The following RGSL1 variants were observed in gnomAD, a reference collection of about 807,000 sequenced individuals.
RGSL1 encodes the protein regulator of G protein signaling like 1, also known as regulator of G protein signaling protein-like.
Under a neutral mutation model 124.7 loss-of-function variants are expected in RGSL1, and 97 were observed. That is an observed-to-expected ratio of 0.78 (90% CI 0.66 to 0.92). RGSL1 has a LOEUF of 0.92. Among genes scored for constraint, RGSL1 ranks in the 40% least tolerant of loss-of-function variants. The pLI is 0.00. For synonymous variants in RGSL1, 424 were observed against 438.1 expected (o/e 0.97, Z 0.40); for missense variants, 1,233 against 1,288.4 (o/e 0.96, Z 0.66).
At chr1:182,538,451 C>T (rs1322607255) in intron 14 of RGSL1, among the ~76,000 whole-genome samples, 1 of 152,062 alleles carries the variant, frequency 6.6e-6, no homozygotes, top group African/African-American at 2.4e-5. Context: ...TTGCTTGAAC[C>T]CAGGAAGCGG....
intron 15 of RGSL1, among the ~76,000 whole-genome samples, chr1:182,547,522 G>A (rs1660287675): frequency 6.6e-6 from 1 of 152,100 alleles, no homozygotes; most frequent in South Asian, 2.1e-4. Context: ...AACCAGCGTA[G>A]CCTATTAAAA....
chr1:182,512,342 T>A (rs1185958794), intron 9 of RGSL1, among the ~76,000 whole-genome samples: 1 of 152,204 alleles, frequency 6.6e-6, no homozygotes, highest in Non-Finnish European at 1.5e-5. Flanking sequence ...GCCTCTTTAT[T>A]TCTGCTTGTA....
intron 15 of RGSL1, among the ~76,000 whole-genome samples, chr1:182,543,354 T>C (rs943225981): frequency 1.3e-5 from 2 of 152,214 alleles, no homozygotes; most frequent in African/African-American, 2.4e-5. Context: ...ATCATGTTTA[T>C]TGATTTGCGT....
In RGSL1 at chr1:182,458,359, A is replaced by G. The variant is rs750160677; in HGVS notation, c.137A>G (p.Gln46Arg). The change falls in exon 3 of 22, where the codon CAG (glutamine) becomes CGG (arginine). Residue 46 changes from glutamine (Q) to arginine (R), a missense_variant. By Grantham distance (43) the Gln-to-Arg change is conservative. Transcript: ENST00000294854. Reference protein sequence around the residue: ...QTPFYTVENSQWSLWPEIPCN... With the variant: ...QTPFYTVENSRWSLWPEIPCN... ...CCATTTTATACTGTTGAAAATTCAC[A>G]GTGGAGCTTGTGGCCAGAAATACCT... The G allele has an allele frequency of 2.1e-5, 32 of 1,552,172 alleles. 2 individuals carry two copies. The highest frequency in any genetic ancestry group is 2.2e-5 in the Non-Finnish European group (25 of 1,147,092).
intron 11 of RGSL1, 90 bp downstream of exon 11, chr1:182,527,862 A>G: frequency 9.0e-7 from 1 of 1,115,922 alleles, no homozygotes; most frequent in Admixed American, 2.5e-5. Context: ...GTGAGCCCCC[A>G]GAGAGAGCAG....
At chr1:182,489,245 C>A (rs2102095500) in intron 8 of RGSL1, 43 bp downstream of exon 8, 1 of 1,417,616 alleles carries the variant, frequency 7.1e-7, no homozygotes, top group East Asian at 2.5e-5. Flanking sequence ...TACATATGGG[C>A]AACTGGAAAA....
At chr1:182,520,651 G>C (rs1658267029) in intron 9 of RGSL1, among the ~76,000 whole-genome samples, 2 of 151,934 alleles carry the variant, frequency 1.3e-5, no homozygotes, top group Non-Finnish European at 2.9e-5. Flanking sequence ...TTTTTATGCA[G>C]TATTTCTAGG....
At chr1:182,492,235 C>T (rs977852413) in intron 8 of RGSL1, among the ~76,000 whole-genome samples, 5 of 152,126 alleles carry the variant, frequency 3.3e-5, no homozygotes, top group African/African-American at 1.2e-4. Context: ...GTCTCATGCC[C>T]GCACTTCGGG....
In RGSL1 at chr1:182,457,286, T is replaced by A. The variant is rs564569426; in HGVS notation, c.97-1033T>A. Reference sequence around the variant, plus strand: ...ACATTAGCCTGTGCCCTCTATGGTATAAATGTCGGGTAGTGAAACTGCTTC... The same window carrying A: ...ACATTAGCCTGTGCCCTCTATGGTAAAAATGTCGGGTAGTGAAACTGCTTC... On this transcript the variant is annotated intron_variant, in intron 2 of 21. Transcript: ENST00000294854. 2.0e-5 allele frequency among the ~76,000 whole-genome samples: 3 copies of A among 152,316 alleles called. No individual in the cohort carries two copies. In the South Asian group the frequency reaches 6.2e-4, roughly 32 times the overall value.
chr1:182,475,870 A>G (rs1654252283), intron 6 of RGSL1, among the ~76,000 whole-genome samples: 2 of 152,206 alleles, frequency 1.3e-5, no homozygotes, highest in South Asian at 2.1e-4. Context: ...ATTATAACGT[A>G]TTTACCTTGT....
intron 19 of RGSL1, among the ~76,000 whole-genome samples, chr1:182,554,060 T>C (rs927961936): frequency 3.9e-5 from 6 of 152,148 alleles, no homozygotes; most frequent in African/African-American, 1.4e-4. Context: ...CCATCTTCAG[T>C]CTCAAGGAGT....
chr1:182,535,367 G>A (rs189162983), intron 14 of RGSL1, among the ~76,000 whole-genome samples: 5 of 151,290 alleles, frequency 3.3e-5, no homozygotes, highest in African/African-American at 7.4e-5. Context: ...TTAAGCCAGA[G>A]TGTGTGTGTG....
intron 14 of RGSL1, among the ~76,000 whole-genome samples, chr1:182,537,014 T>A (rs578272): frequency 0.84 from 126,946 of 151,908 alleles, 53,545 homozygotes; most frequent in Non-Finnish European, 0.89. Context: ...TCTTGGCCTT[T>A]ATTGGGTTAT....
chr1:182,518,293 A>C (rs1658053054), intron 9 of RGSL1, among the ~76,000 whole-genome samples: 1 of 152,160 alleles, frequency 6.6e-6, no homozygotes, highest in East Asian at 1.9e-4. Flanking sequence ...GAGGTACCTA[A>C]ACCTCAGAAT....
rs1660756222 is a variant in RGSL1 at position 182,554,618 on chromosome 1, T to A, written c.3131-9T>A. ...TCCTGATGCAATTTTTCTCTGTATT[T>A]CTCTTTAGCTTCATCAAGCAAACTT... is the stretch of plus-strand genomic sequence containing the variant. On this transcript the variant is annotated splice_polypyrimidine_tract_variant and intron_variant, in intron 19 of 21. Coordinates refer to ENST00000294854, the MANE Select transcript of RGSL1 (RefSeq NM_001137669.2). The A allele has an allele frequency of 1.3e-6, 2 of 1,551,342 alleles. No homozygotes were observed. Among genetic ancestry groups the A allele is most frequent in the African/African-American group, 2.7e-5 (2 of 73,048 alleles).
At chr1:182,479,718 C>T (rs1054085430) in intron 6 of RGSL1, among the ~76,000 whole-genome samples, 2 of 152,084 alleles carry the variant, frequency 1.3e-5, no homozygotes, top group Non-Finnish European at 2.9e-5. Flanking sequence ...TATAAAAACA[C>T]AAGACCCAAA....
chr1:182,497,095 T>C (rs1210394484), intron 9 of RGSL1, among the ~76,000 whole-genome samples: 1 of 152,098 alleles, frequency 6.6e-6, no homozygotes, highest in Non-Finnish European at 1.5e-5. Flanking sequence ...TGGGGCCCAT[T>C]GAATTACATT....
chr1:182,557,423 C>T (rs1284745362), intron 21 of RGSL1, among the ~76,000 whole-genome samples: 1 of 152,160 alleles, frequency 6.6e-6, no homozygotes, highest in Non-Finnish European at 1.5e-5. Flanking sequence ...AAGAACAAGT[C>T]ACAAGCCCCA....
chr1:182,467,562 C>T (rs1653446923), intron 4 of RGSL1, among the ~76,000 whole-genome samples: 1 of 152,144 alleles, frequency 6.6e-6, no homozygotes, highest in South Asian at 2.1e-4. Context: ...ACTGGCTAGC[C>T]ATATGCAGAA....
Sources: gnomAD v4.1 joint callset for allele counts (sites outside exome capture counted in the v4.1 genomes callset) on GRCh38, gnomAD v4.1.1 for gene constraint, MANE v1.5 for transcripts, NCBI Gene and HGNC (gene_info 2026-07-23, HGNC 2026-07-21) for gene names.